ADAMTS17: variants seen among roughly 807,000 people sequenced by gnomAD.
ADAMTS17 encodes the protein A disintegrin and metalloproteinase with thrombospondin motifs 17.
In ADAMTS17, 113 loss-of-function variants were observed where a neutral mutation model predicts 141.5. The observed-to-expected ratio is 0.80, with a 90% confidence interval of 0.69 to 0.93. The LOEUF (loss-of-function observed/expected upper bound fraction) is 0.93. Among genes scored for constraint, ADAMTS17 ranks in the 40% least tolerant of loss-of-function variants. The pLI is 0.00. For synonymous variants in ADAMTS17, 768 were observed against 630.6 expected (o/e 1.22, Z -3.27); for missense variants, 1,659 against 1,517.9 (o/e 1.09, Z -1.54).
intron 9 of ADAMTS17, 113 bp downstream of exon 9, chr15:100,155,067 A>G: frequency 1.3e-6 from 2 of 1,538,864 alleles, no homozygotes; most frequent in East Asian, 4.5e-5. Context: ...GGCTAGATGC[A>G]AATCCCAAAA....
At chr15:100,261,715 T>G in intron 5 of ADAMTS17, 79 bp from the exon 6 acceptor site, 1 of 1,497,468 alleles carries the variant, frequency 6.7e-7, no homozygotes, top group Non-Finnish European at 9.1e-7. Flanking sequence ...ACAAGGACGT[T>G]AAGGTGGAGG....
chr15:100,044,728 T>C (rs2031540561), intron 18 of ADAMTS17, among the ~76,000 whole-genome samples: 1 of 152,216 alleles, frequency 6.6e-6, no homozygotes, highest in South Asian at 2.1e-4. Context: ...GGATTGTACC[T>C]GGAACACTGT....
chr15:100,083,045 G>C (rs2034859060), intron 15 of ADAMTS17, among the ~76,000 whole-genome samples: 1 of 152,132 alleles, frequency 6.6e-6, no homozygotes, highest in Admixed American at 6.5e-5. Context: ...TCTTTCTCTG[G>C]AAATATGGAA....
intron 8 of ADAMTS17, among the ~76,000 whole-genome samples, chr15:100,190,796 G>C (rs901422818): frequency 3.3e-5 from 5 of 152,232 alleles, no homozygotes; most frequent in Admixed American, 1.3e-4. Context: ...AGCTGTGTAA[G>C]CCAAAGGTGT....
intron 7 of ADAMTS17, among the ~76,000 whole-genome samples, chr15:100,243,522 G>A (rs926023402): frequency 1.3e-5 from 2 of 152,190 alleles, no homozygotes; most frequent in Non-Finnish European, 2.9e-5. Flanking sequence ...GGGTGCCATG[G>A]CTCACGCCAG....
At chr15:100,011,726 A>G (rs1052539169) in intron 18 of ADAMTS17, among the ~76,000 whole-genome samples, 14 of 152,296 alleles carry the variant, frequency 9.2e-5, no homozygotes, top group Middle Eastern at 3.4e-3. Flanking sequence ...AATGCCATTA[A>G]TTCGTTCTTG....
At chr15:100,183,260 G>T (rs2040588185) in intron 8 of ADAMTS17, among the ~76,000 whole-genome samples, 1 of 152,084 alleles carries the variant, frequency 6.6e-6, no homozygotes. Flanking sequence ...CAAAGTGCTG[G>T]GATTACAGGT....
intron 15 of ADAMTS17, among the ~76,000 whole-genome samples, chr15:100,059,213 C>T (rs975485705): frequency 4.6e-5 from 7 of 152,224 alleles, no homozygotes; most frequent in Non-Finnish European, 1.0e-4. Context: ...TGAGGCCAGG[C>T]GTGGGTTTGG....
rs74980826 is a variant in ADAMTS17, at chr15:100,217,609, A to G, written c.1076-18186T>C. ...AGCAAGACTCTTCTCAAAAACAAAC[A>G]AAACAAAAAAGTAAATATTTGTGAT... On this transcript the variant is annotated intron_variant, in intron 7 of 21. Transcript: ENST00000268070. Among the ~76,000 whole-genome samples the G allele has an allele frequency of 5.9e-3, 904 of 152,302 alleles. 5 individuals are homozygous for G. Among genetic ancestry groups the G allele is most frequent in the African/African-American group, 0.02 (822 of 41,570 alleles).
At chr15:100,109,807 G>A (rs1232888364) in intron 13 of ADAMTS17, among the ~76,000 whole-genome samples, 2 of 152,068 alleles carry the variant, frequency 1.3e-5, no homozygotes, top group African/African-American at 2.4e-5. Context: ...TGCGCTCTCT[G>A]CCTGGAAATC....
At chr15:100,211,053 T>C (rs1292914657) in intron 7 of ADAMTS17, among the ~76,000 whole-genome samples, 19 of 151,372 alleles carry the variant, frequency 1.3e-4, no homozygotes. Context: ...TGAGCCGAGA[T>C]TGCGCCACTG....
At chr15:100,176,349 C>T (rs543252837) in intron 8 of ADAMTS17, among the ~76,000 whole-genome samples, 50 of 152,234 alleles carry the variant, frequency 3.3e-4, no homozygotes, top group African/African-American at 1.2e-3. Context: ...AACTAGGCTA[C>T]GTGTTGGAGT....
At chr15:100,028,974 C>A (rs951287157) in intron 18 of ADAMTS17, among the ~76,000 whole-genome samples, 1 of 152,210 alleles carries the variant, frequency 6.6e-6, no homozygotes. Context: ...TTTGTCAAAC[C>A]TTTCTTAGCA....
intron 4 of ADAMTS17, among the ~76,000 whole-genome samples, chr15:100,278,824 A>C (rs1596431451): frequency 6.6e-6 from 1 of 152,104 alleles, no homozygotes; most frequent in South Asian, 2.1e-4. Context: ...TGGTTAGGGG[A>C]AAGAAAGGCT....
intron 18 of ADAMTS17, among the ~76,000 whole-genome samples, chr15:100,035,047 T>C (rs1406340363): frequency 6.6e-6 from 1 of 152,188 alleles, no homozygotes; most frequent in Non-Finnish European, 1.5e-5. Context: ...CTAAGATTAA[T>C]GTCATACTCC....
At chr15:100,069,840 G>C (rs1191854004) in intron 15 of ADAMTS17, among the ~76,000 whole-genome samples, 1 of 150,194 alleles carries the variant, frequency 6.7e-6, no homozygotes, top group South Asian at 2.1e-4. Context: ...ACCAACTAAC[G>C]AGCAAAATAT....
At chr15:99,985,760 T>TG (rs1269826971) in intron 20 of ADAMTS17, among the ~76,000 whole-genome samples, 4 of 152,132 alleles carry the variant, frequency 2.6e-5, no homozygotes, top group African/African-American at 9.7e-5. Context: ...ATCTGTAAAA[T>TG]GGGGACAGAT....
intron 17 of ADAMTS17, among the ~76,000 whole-genome samples, chr15:100,050,390 T>C (rs143423268): frequency 6.6e-6 from 1 of 152,198 alleles, no homozygotes; most frequent in African/African-American, 2.4e-5. Flanking sequence ...TGAAAGGCCA[T>C]CGGCACAAGC....
At chr15:100,142,395 G>C (rs530549017) in intron 10 of ADAMTS17, among the ~76,000 whole-genome samples, 1 of 152,312 alleles carries the variant, frequency 6.6e-6, no homozygotes, top group East Asian at 1.9e-4. Flanking sequence ...GAGGGATGGT[G>C]AGGACAGCAC....
Sources: allele counts gnomAD v4.1 joint callset (sites outside exome capture counted in the v4.1 genomes callset), GRCh38; gene constraint gnomAD v4.1.1; transcripts MANE v1.5; gene names NCBI Gene and HGNC (gene_info 2026-07-23, HGNC 2026-07-21).